KLRG1: variants seen among roughly 807,000 people sequenced by gnomAD.
KLRG1 encodes killer cell lectin like receptor G1, also known as killer cell lectin-like receptor subfamily G member 1.
In KLRG1, 16 loss-of-function variants were observed where a neutral mutation model predicts 21.8. The ratio of observed to expected loss-of-function variants is 0.73; its 90% confidence interval spans 0.50 to 1.11. The LOEUF is 1.11. Ranked by LOEUF, KLRG1 falls within the 50% of genes most tolerant of loss-of-function variation. The pLI is 0.00. For missense variants in KLRG1, 173 were observed against 218.3 expected, an observed-to-expected ratio of 0.79 and a Z score of 1.31; for synonymous variants, 69 against 75.9, an observed-to-expected ratio of 0.91 and a Z score of 0.47.
chr12:9,056,385 C>G, the KLRG1 span, among the ~76,000 whole-genome samples: 3 of 152,188 alleles, frequency 2.0e-5, no homozygotes, highest in Non-Finnish European at 2.9e-5. Context: ...AGTGTTCAAG[C>G]AAAGTACTAG....
the KLRG1 span, chr12:9,201,033 A>G: frequency 4.3e-6 from 7 of 1,613,928 alleles, no homozygotes; most frequent in Admixed American, 1.7e-5. Flanking sequence ...AGACTCTGCC[A>G]TTGTGCAATT....
At chr12:9,101,277 C>A in the KLRG1 span, 1 of 1,471,738 alleles carries the variant, frequency 6.8e-7, no homozygotes, top group Non-Finnish European at 9.3e-7. Flanking sequence ...CTTCAATATA[C>A]TTGTTTTATT....
At chr12:9,176,656 C>T in the KLRG1 span, among the ~76,000 whole-genome samples, 2 of 152,216 alleles carry the variant, frequency 1.3e-5, no homozygotes. Flanking sequence ...GAATATTTAT[C>T]CCTGGACAGA....
the KLRG1 span, chr12:9,192,504 A>T: frequency 6.2e-7 from 1 of 1,607,798 alleles, no homozygotes; most frequent in East Asian, 2.2e-5. Flanking sequence ...CCATGGCCTC[A>T]TTCTTACCAG....
At chr12:9,093,469 C>G in the KLRG1 span, 3 of 1,612,286 alleles carry the variant, frequency 1.9e-6, no homozygotes, top group African/African-American at 2.7e-5. Flanking sequence ...ACTTACTTTA[C>G]CACCACCAAA....
chr12:9,116,885 ATAAAATACAG>A, the KLRG1 span, among the ~76,000 whole-genome samples: 63 of 32,916 alleles, frequency 1.9e-3, no homozygotes, highest in African/African-American at 4.6e-3. Flanking sequence ...CACCTACTGT[ATAAAATACAG>A]TATAAAATAC....
chr12:8,978,796 C>CT (rs1946707051), intron 1 of KLRG1, among the ~76,000 whole-genome samples: 1 of 67,142 alleles, frequency 1.5e-5, no homozygotes, highest in Non-Finnish European at 3.6e-5. Context: ...CTCACTGCAA[C>CT]CTCTGCCTCC....
the KLRG1 span, chr12:9,149,501 G>A: frequency 6.8e-7 from 1 of 1,471,582 alleles, no homozygotes; most frequent in Non-Finnish European, 9.3e-7. Context: ...TTAAATTGCA[G>A]GGGCCCTTGG....
intron 3 of KLRG1, among the ~76,000 whole-genome samples, chr12:8,997,522 C>T (rs1457011520): frequency 6.6e-6 from 1 of 152,166 alleles, no homozygotes; most frequent in Non-Finnish European, 1.5e-5. Flanking sequence ...AAAAAGAGAG[C>T]TCTATGGATC....
At chr12:9,197,616 ATTTATATATTAT>A in the KLRG1 span, among the ~76,000 whole-genome samples, 1 of 95,258 alleles carries the variant, frequency 1.0e-5, no homozygotes, top group African/African-American at 4.3e-5. Flanking sequence ...TATATTATAT[ATTTATATATTAT>A]ATTATATATT....
At chr12:9,213,664 T>A in the KLRG1 span, among the ~76,000 whole-genome samples, 1 of 152,098 alleles carries the variant, frequency 6.6e-6, no homozygotes, top group African/African-American at 2.4e-5. Context: ...CCTTTGCCCA[T>A]CTTTTAATTC....
At chr12:9,194,545 A>G in the KLRG1 span, among the ~76,000 whole-genome samples, 9 of 148,948 alleles carry the variant, frequency 6.0e-5, no homozygotes, top group African/African-American at 1.5e-4. Flanking sequence ...GCTCACTGCA[A>G]GCTCTGCCTC....
the KLRG1 span, among the ~76,000 whole-genome samples, chr12:9,133,480 CAAAT>C: frequency 3.9e-5 from 6 of 152,094 alleles, no homozygotes; most frequent in East Asian, 9.6e-4. Context: ...AGTATATAAA[CAAAT>C]AAATTAAATA....
intron 1 of KLRG1, among the ~76,000 whole-genome samples, chr12:8,961,839 G>A (rs535365746): frequency 2.2e-4 from 34 of 152,222 alleles, no homozygotes; most frequent in South Asian, 1.7e-3. Context: ...TAATCCCAGC[G>A]CATTGAGTGT....
chr12:9,064,686 G>A, the KLRG1 span: 43 of 154,032 alleles, frequency 2.8e-4, no homozygotes, highest in Non-Finnish European at 4.2e-4. This position sits in a 1 kb window ranked among gnomAD's most constrained non-coding sequence, Gnocchi z 4.0. Context: ...CAGTGTAGTC[G>A]GGCACGGAGG....
the KLRG1 span, among the ~76,000 whole-genome samples, chr12:9,201,866 A>G: frequency 2.0e-5 from 3 of 152,108 alleles, no homozygotes; most frequent in Non-Finnish European, 4.4e-5. Flanking sequence ...AAAAAGGGAA[A>G]TTCAATTAGC....
At chr12:9,034,359 A>G in the KLRG1 span, among the ~76,000 whole-genome samples, 1 of 152,100 alleles carries the variant, frequency 6.6e-6, no homozygotes, top group African/African-American at 2.4e-5. Context: ...TCATGTAAAA[A>G]CCATAGCACA....
the KLRG1 span, among the ~76,000 whole-genome samples, chr12:9,134,769 C>T: frequency 1.3e-5 from 2 of 152,150 alleles, no homozygotes; most frequent in South Asian, 2.1e-4. Context: ...GTTCGCCCTT[C>T]GGTGCTGGAA....
chr12:9,160,563 C>T, the KLRG1 span: 1 of 1,364,702 alleles, frequency 7.3e-7, no homozygotes, highest in Non-Finnish European at 1.0e-6. Context: ...ACAAAAATGG[C>T]CTTTATATTC....
Sources: gnomAD v4.1 joint callset for allele counts (sites outside exome capture counted in the v4.1 genomes callset) on GRCh38, gnomAD v4.1.1 for gene constraint, Gnocchi (gnomAD v3.1) non-coding constraint, MANE v1.5 for transcripts, NCBI Gene and HGNC (gene_info 2026-07-23, HGNC 2026-07-21) for gene names.